The following ZNRF3 variants were observed in gnomAD, a reference collection of about 807,000 sequenced individuals.
ZNRF3 encodes the protein zinc and ring finger 3.
ZNRF3 carries 23 observed loss-of-function variants against 72.5 expected under a neutral mutation model. That is an observed-to-expected ratio of 0.32 (90% CI 0.23 to 0.45). The LOEUF (loss-of-function observed/expected upper bound fraction) is 0.45. Ranked by LOEUF, ZNRF3 falls within the 20% of genes least tolerant of loss-of-function variation. The pLI is 1.00. For missense variants in ZNRF3, 1,169 were observed against 1,272.1 expected (o/e 0.92, Z 1.23); for synonymous variants, 610 against 545.3 (o/e 1.12, Z -1.65).
At chr22:28,887,266 G>GTA (rs1456593366) in intron 1 of ZNRF3, among the ~76,000 whole-genome samples, 1 of 151,048 alleles carries the variant, frequency 6.6e-6, no homozygotes, top group Non-Finnish European at 1.5e-5. Context: ...GTGTGTGTGT[G>GTA]TGTGTATACA....
At chr22:28,942,856 C>G (rs1358482588) in intron 1 of ZNRF3, among the ~76,000 whole-genome samples, 1 of 151,980 alleles carries the variant, frequency 6.6e-6, no homozygotes, top group Non-Finnish European at 1.5e-5. Context: ...TGGTGTTGCC[C>G]TTTTGGGATG....
At chr22:28,929,259 A>C (rs1411933435) in intron 1 of ZNRF3, among the ~76,000 whole-genome samples, 1 of 152,230 alleles carries the variant, frequency 6.6e-6, no homozygotes, top group Non-Finnish European at 1.5e-5. Context: ...ATGATATAAC[A>C]GTGTCTGTAG....
intron 1 of ZNRF3, among the ~76,000 whole-genome samples, chr22:28,897,157 TCA>T (rs1485877328): frequency 2.0e-5 from 3 of 152,194 alleles, no homozygotes; most frequent in Non-Finnish European, 2.9e-5. Context: ...AGTCTCTTGA[TCA>T]AAATCTTTCG....
intron 2 of ZNRF3, among the ~76,000 whole-genome samples, chr22:29,012,711 A>C (rs1218005007): frequency 6.6e-6 from 1 of 152,220 alleles, no homozygotes; most frequent in Non-Finnish European, 1.5e-5. Flanking sequence ...CTTGTGTCTA[A>C]GTGATTTCAA....
intron 1 of ZNRF3, among the ~76,000 whole-genome samples, chr22:28,887,182 T>C (rs968648181): frequency 2.0e-5 from 3 of 151,908 alleles, no homozygotes; most frequent in Non-Finnish European, 2.9e-5. Flanking sequence ...TCGTTTGTAT[T>C]ACTGATTTTT....
chr22:29,037,885 G>A (rs1040233423), intron 2 of ZNRF3, among the ~76,000 whole-genome samples: 3 of 152,194 alleles, frequency 2.0e-5, no homozygotes, highest in African/African-American at 7.2e-5. Context: ...AGGGCAGCAA[G>A]ACAAGGCCTT....
intron 1 of ZNRF3, among the ~76,000 whole-genome samples, chr22:28,920,663 C>G (rs1261794041): frequency 6.6e-6 from 1 of 152,242 alleles, no homozygotes; most frequent in Non-Finnish European, 1.5e-5. Context: ...TTCTCATTCT[C>G]TGTGTTGACT....
chr22:28,899,996 G>A (rs1035070212), intron 1 of ZNRF3, among the ~76,000 whole-genome samples: 7 of 152,232 alleles, frequency 4.6e-5, no homozygotes, highest in African/African-American at 1.7e-4. Context: ...GTTATATGGT[G>A]GGCCTTTCAT....
intron 5 of ZNRF3, among the ~76,000 whole-genome samples, chr22:29,046,439 GC>G (rs1381359405): frequency 6.6e-6 from 1 of 152,220 alleles, no homozygotes. Flanking sequence ...TTAGGAGGCA[GC>G]AGGTCCAAGT....
intron 1 of ZNRF3, among the ~76,000 whole-genome samples, chr22:28,951,389 G>C (rs1172151039): frequency 2.6e-5 from 4 of 152,048 alleles, no homozygotes; most frequent in Non-Finnish European, 4.4e-5. Context: ...GGGAAATCTG[G>C]ACATATGCAC....
intron 1 of ZNRF3, among the ~76,000 whole-genome samples, chr22:28,947,668 A>G (rs1601591982): frequency 1.3e-5 from 2 of 152,244 alleles, no homozygotes; most frequent in South Asian, 4.1e-4. Flanking sequence ...CCTTCTTTGG[A>G]GAAATGCCTG....
Position 29,050,699 on chromosome 22 carries a change from C to G in ZNRF3, c.2518C>G (p.Leu840Val). The G allele has an allele frequency of 6.2e-7, 1 of 1,612,156 alleles. No individual in the cohort carries two copies. The highest frequency in any genetic ancestry group is 8.5e-7 in the Non-Finnish European group (1 of 1,179,482). Residue 840 changes from leucine to valine, a missense_variant, in exon 8 of 9, where the codon CTG (leucine) becomes GTG (valine). By Grantham distance (32) the Leu-to-Val change is conservative. Around this residue, in one of 2 missense-constraint regions of ZNRF3, gnomAD observed 783 missense variants for 731.4 expected, o/e 1.07. Transcript: ENST00000544604. ...PIIPEDVDCD[L>V]GLPSDCQGTH... ...CATTCCAGAGGATGTGGACTGTGAT[C>G]TGGGCCTGCCCTCGGACTGCCAAGG...
At chr22:28,914,814 C>CAA (rs567975458) in intron 1 of ZNRF3, among the ~76,000 whole-genome samples, 73 of 69,306 alleles carry the variant, frequency 1.1e-3, no homozygotes, top group African/African-American at 3.2e-3. Context: ...AACTCCGTCT[C>CAA]AAAAAAAAAA....
chr22:28,883,930 C>G lies in ZNRF3; in HGVS notation c.164C>G (p.Ala55Gly). The part of the protein sequence containing the change: ...LAAAGPGAAR[A>G]KETAFVEVVL... ...GCCGCGGGGCCCGGCGCGGCGCGGGCCAAGGAGACGGCGTTCGTGGAGGTG... is the reference window on the plus strand; with the variant it reads ...GCCGCGGGGCCCGGCGCGGCGCGGGGCAAGGAGACGGCGTTCGTGGAGGTG... The change falls in exon 1 of 9, where the codon GCC becomes GGC. Residue 55 changes from alanine to glycine, a missense_variant. Physicochemically the swap from Ala to Gly is moderately conservative, Grantham distance 60. Around this residue, in one of 2 missense-constraint regions of ZNRF3, gnomAD observed 386 missense variants for 540.7 expected, o/e 0.71. Transcript: ENST00000544604. The surrounding 1 kb of genome is among the most constrained non-coding windows in gnomAD (Gnocchi z 5.5). 1 of 1,243,898 alleles carries G rather than the reference C, an allele frequency of 8.0e-7. No homozygotes were observed. 77.1% of individuals were successfully genotyped at this position (1,243,898 alleles called of 1,614,324 possible). A position where few individuals can be genotyped will look rare whatever the true frequency, so the allele number is the denominator to read the frequency against.
intron 1 of ZNRF3, among the ~76,000 whole-genome samples, chr22:28,898,519 T>C (rs132527): frequency 0.99 from 151,445 of 152,374 alleles, 75,261 homozygotes; most frequent in East Asian, 1. Flanking sequence ...CTGTAGACTT[T>C]TGGGGATGTG....
chr22:28,898,936 T>G (rs1407232243), intron 1 of ZNRF3, among the ~76,000 whole-genome samples: 1 of 148,730 alleles, frequency 6.7e-6, no homozygotes, highest in Non-Finnish European at 1.5e-5. Flanking sequence ...GTTTTTTTTT[T>G]TTTTTTTTTT....
At chr22:29,020,831 C>G (rs1217640332) in intron 2 of ZNRF3, among the ~76,000 whole-genome samples, 1 of 147,974 alleles carries the variant, frequency 6.8e-6, no homozygotes, top group South Asian at 2.2e-4. Context: ...GAGTCTCGCT[C>G]TGTTGCCCAG....
intron 1 of ZNRF3, among the ~76,000 whole-genome samples, chr22:28,979,743 A>C (rs2035732917): frequency 6.6e-6 from 1 of 152,170 alleles, no homozygotes; most frequent in Non-Finnish European, 1.5e-5. Flanking sequence ...TTCAGCCAGC[A>C]GTCATTTATT....
intron 2 of ZNRF3, among the ~76,000 whole-genome samples, chr22:29,002,242 CTAAT>C (rs2036161345): frequency 6.6e-6 from 1 of 152,174 alleles, no homozygotes; most frequent in Non-Finnish European, 1.5e-5. Flanking sequence ...CCATTTTTAG[CTAAT>C]GATGGTTCTG....
Sources: allele counts gnomAD v4.1 joint callset (sites outside exome capture counted in the v4.1 genomes callset), GRCh38; gene constraint gnomAD v4.1.1; regional missense constraint gnomAD v4.1.1; non-coding constraint Gnocchi (gnomAD v3.1); transcripts MANE v1.5; gene names NCBI Gene and HGNC (gene_info 2026-07-23, HGNC 2026-07-21).